NUDT7: variants seen among roughly 807,000 people sequenced by gnomAD.
NUDT7 encodes the protein peroxisomal coenzyme A diphosphatase NUDT7.
In NUDT7, 19 loss-of-function variants were observed where a neutral mutation model predicts 13.1. That is an observed-to-expected ratio of 1.45 (90% CI 1.01 to 2.13). The LOEUF (loss-of-function observed/expected upper bound fraction) is 2.13. Ranked by LOEUF, NUDT7 falls within the 30% of genes most tolerant of loss-of-function variation. The pLI is 0.00. For missense variants in NUDT7, 360 were observed against 291.7 expected (o/e 1.23, Z -1.71); for synonymous variants, 132 against 109.7 (o/e 1.20, Z -1.27).
At chr16:77,732,847 C>T (rs772058369) in intron 2 of NUDT7, among the ~76,000 whole-genome samples, 1 of 152,176 alleles carries the variant, frequency 6.6e-6, no homozygotes, top group Non-Finnish European at 1.5e-5. Flanking sequence ...AGCCTGATGA[C>T]TGCTTGGAGG....
chr16:77,728,724 G>C (rs898337810), intron 2 of NUDT7, among the ~76,000 whole-genome samples: 2 of 152,010 alleles, frequency 1.3e-5, no homozygotes, highest in South Asian at 4.1e-4. Flanking sequence ...CTCCTTGTCC[G>C]GGTCCACCTT....
At chr16:77,733,200 C>T (rs1477140139) in intron 2 of NUDT7, among the ~76,000 whole-genome samples, 1 of 152,184 alleles carries the variant, frequency 6.6e-6, no homozygotes, top group Non-Finnish European at 1.5e-5. Context: ...TGTCATAGTC[C>T]TCTCAAGCTG....
chr16:77,740,298 A>G (rs2014619326), intron 3 of NUDT7, among the ~76,000 whole-genome samples: 2 of 152,116 alleles, frequency 1.3e-5, no homozygotes, highest in Non-Finnish European at 2.9e-5. Context: ...GCTGTCCCTC[A>G]GAACATTCTG....
At chr16:77,727,497 G>A (rs555842013) in intron 2 of NUDT7, among the ~76,000 whole-genome samples, 2 of 152,330 alleles carry the variant, frequency 1.3e-5, no homozygotes, top group Non-Finnish European at 2.9e-5. Flanking sequence ...GAAACCAGGG[G>A]ACCAGTGTCT....
intron 2 of NUDT7, among the ~76,000 whole-genome samples, chr16:77,726,480 G>C (rs533736952): frequency 6.6e-6 from 1 of 152,074 alleles, no homozygotes; most frequent in East Asian, 1.9e-4. Flanking sequence ...CCCTTGTATT[G>C]GTCCATTCTT....
chr16:77,735,710 A>G lies in NUDT7; in HGVS notation c.190-118A>G. On this transcript the variant is annotated intron_variant, in intron 2 of 3. Transcript: ENST00000268533. ...TGTGGGCAATAGGGGTCTTGATACCACCACCTGGGTAAGAATGGTCTCTGG... is the reference window on the plus strand; with the variant it reads ...TGTGGGCAATAGGGGTCTTGATACCGCCACCTGGGTAAGAATGGTCTCTGG... The G allele has an allele frequency of 2.5e-5, 23 of 933,128 alleles. No homozygotes were observed. The South Asian group carries it at 3.8e-4, about 15-fold the overall frequency. 57.8% of individuals were successfully genotyped at this position (933,128 alleles called of 1,614,324 possible).
chr16:77,731,574 G>T (rs1199063315), intron 2 of NUDT7, among the ~76,000 whole-genome samples: 1 of 152,076 alleles, frequency 6.6e-6, no homozygotes, highest in Non-Finnish European at 1.5e-5. Flanking sequence ...TGACATTTCT[G>T]GTTTATGAAA....
At chr16:77,725,354 G>A in intron 1 of NUDT7, 77 bp from the exon 2 acceptor site, 1 of 1,349,950 alleles carries the variant, frequency 7.4e-7, no homozygotes, top group South Asian at 1.4e-5. Context: ...CAACAAAGCA[G>A]AAACAGAGGC....
In NUDT7 at chr16:77,735,871, G is replaced by A. The variant is rs373316229; in HGVS notation, c.233G>A (p.Arg78His). Reference sequence around the variant, plus strand: ...GAAGTTTGCTTCCCTGGAGGTAAGCGTGACCCTACAGACATGGATGATGCA... The same window carrying A: ...GAAGTTTGCTTCCCTGGAGGTAAGCATGACCCTACAGACATGGATGATGCA... ...PGEVCFPGGK[R>H]DPTDMDDAAT... Residue 78 changes from arginine to histidine, a missense_variant, in exon 3 of 4, where the codon CGT becomes CAT. Coordinates refer to ENST00000268533, the MANE Select transcript of NUDT7 (RefSeq NM_001105663.3). The A allele has an allele frequency of 6.2e-6, 10 of 1,613,908 alleles. No homozygotes were observed. Among genetic ancestry groups the A allele is most frequent in the East Asian group, 2.2e-5 (1 of 44,886 alleles).
chr16:77,724,095 G>A (rs1433861327), intron 1 of NUDT7, among the ~76,000 whole-genome samples: 8 of 152,116 alleles, frequency 5.3e-5, no homozygotes, highest in Middle Eastern at 3.4e-3. Flanking sequence ...TCAAGGTATC[G>A]GCAGGGCCTC....
chr16:77,736,444 C>A (rs1391073294), intron 3 of NUDT7, among the ~76,000 whole-genome samples: 1 of 152,112 alleles, frequency 6.6e-6, no homozygotes, highest in Non-Finnish European at 1.5e-5. Flanking sequence ...TAGAATAAAG[C>A]CTCTCTGTGA....
At chr16:77,732,197 G>A (rs13332387) in intron 2 of NUDT7, among the ~76,000 whole-genome samples, 17,799 of 151,888 alleles carry the variant, frequency 0.12, 2,349 homozygotes, top group African/African-American at 0.32. Context: ...GCATGCTGGC[G>A]GGTGCCTGTA....
At chr16:77,741,185 A>G (rs910407399) in intron 3 of NUDT7, among the ~76,000 whole-genome samples, 2 of 152,204 alleles carry the variant, frequency 1.3e-5, no homozygotes, top group African/African-American at 4.8e-5. Context: ...GAAGAGTGAT[A>G]ACTTTAGAAT....
At chr16:77,736,604 C>G in intron 3 of NUDT7, 1 of 196,410 alleles carries the variant, frequency 5.1e-6, no homozygotes, top group Non-Finnish European at 1.1e-5. Flanking sequence ...AATTTTGGAG[C>G]TGAGATAACC....
intron 3 of NUDT7, among the ~76,000 whole-genome samples, chr16:77,739,089 C>T (rs2014578020): frequency 6.6e-6 from 1 of 152,186 alleles, no homozygotes; most frequent in African/African-American, 2.4e-5. Flanking sequence ...CTGTCCAGGC[C>T]CCTTCATATT....
intron 2 of NUDT7, among the ~76,000 whole-genome samples, chr16:77,730,212 C>T (rs1047123176): frequency 1.3e-5 from 2 of 152,248 alleles, no homozygotes; most frequent in South Asian, 2.1e-4. Flanking sequence ...GTATACAATA[C>T]ATCTCTCGAA....
chr16:77,723,558 T>C (rs1597108856), intron 1 of NUDT7, among the ~76,000 whole-genome samples: 1 of 151,190 alleles, frequency 6.6e-6, no homozygotes, highest in East Asian at 1.9e-4. Context: ...CTGACACAAA[T>C]GAAGATGAAA....
At chr16:77,739,365 A>G (rs1051563904) in intron 3 of NUDT7, among the ~76,000 whole-genome samples, 1 of 152,222 alleles carries the variant, frequency 6.6e-6, no homozygotes, top group Non-Finnish European at 1.5e-5. Flanking sequence ...GGGATGGGCA[A>G]TTCCCAGAGG....
At chr16:77,728,551 A>G (rs1395958617) in intron 2 of NUDT7, among the ~76,000 whole-genome samples, 2 of 152,024 alleles carry the variant, frequency 1.3e-5, no homozygotes, top group Non-Finnish European at 2.9e-5. Flanking sequence ...AAGTTCGTAA[A>G]TCTCTTAATC....
Sources: gnomAD v4.1 joint callset for allele counts (sites outside exome capture counted in the v4.1 genomes callset) on GRCh38, gnomAD v4.1.1 for gene constraint, MANE v1.5 for transcripts, NCBI Gene and HGNC (gene_info 2026-07-23, HGNC 2026-07-21) for gene names.